Variants in SYNCRIP observed in about 807,000 individuals in gnomAD.
SYNCRIP encodes synaptotagmin binding cytoplasmic RNA interacting protein.
SYNCRIP carries 9 observed loss-of-function variants against 68.9 expected under a neutral mutation model. The ratio of observed to expected loss-of-function variants is 0.13; its 90% CI spans 0.08 to 0.23. The LOEUF is 0.23. SYNCRIP is among the 10% of genes least tolerant of loss of function. SYNCRIP has a pLI of 1.00. For synonymous variants in SYNCRIP, 258 were observed against 254.0 expected (o/e 1.02, Z -0.15); for missense variants, 414 against 770.6 (o/e 0.54, Z 5.48).
chr6:85,621,790 A>G (rs1806440687), intron 8 of SYNCRIP, among the ~76,000 whole-genome samples: 1 of 152,166 alleles, frequency 6.6e-6, no homozygotes, highest in South Asian at 2.1e-4. Flanking sequence ...TGCGGCCAGT[A>G]TAATTTACTG....
chr6:85,630,837 GAA>G (rs1042292061), intron 6 of SYNCRIP, among the ~76,000 whole-genome samples: 42 of 152,180 alleles, frequency 2.8e-4, no homozygotes, highest in African/African-American at 9.2e-4. Context: ...ATTCTAATGG[GAA>G]AAGACATGTA....
intron 8 of SYNCRIP, among the ~76,000 whole-genome samples, chr6:85,620,276 G>T (rs771723954): frequency 3.9e-5 from 6 of 152,150 alleles, no homozygotes; most frequent in Non-Finnish European, 8.8e-5. Context: ...TCCAAAAATT[G>T]GAAGAAACCA....
At position 85,628,679 on chromosome 6, in the gene SYNCRIP, G is replaced by C. The variant is rs552108118; in HGVS notation, c.667-4567C>G. Among the ~76,000 whole-genome samples, 628 of 152,312 alleles carry C rather than the reference G, an allele frequency of 4.1e-3. 3 individuals carry two copies. Among genetic ancestry groups the C allele is most frequent in the Middle Eastern group, 0.024 (7 of 294 alleles). On this transcript the variant is annotated intron_variant, in intron 6 of 10. Transcript: ENST00000369622. ...ACCATACCACTCTTACATATTGTCT[G>C]TGTTACCCTAGGTTATTTGGCAACC...
intron 6 of SYNCRIP, among the ~76,000 whole-genome samples, chr6:85,631,995 AT>A (rs1207369035): frequency 6.6e-6 from 1 of 152,214 alleles, no homozygotes; most frequent in African/African-American, 2.4e-5. Context: ...GATTATCATC[AT>A]TTACAAATGG....
chr6:85,621,641 G>T (rs1023209435), intron 8 of SYNCRIP, among the ~76,000 whole-genome samples: 3 of 149,290 alleles, frequency 2.0e-5, no homozygotes, highest in Non-Finnish European at 3.0e-5. Context: ...ACAAAGGATA[G>T]AACAAATAAC....
At chr6:85,610,653 T>C (rs1805167391), downstream of SYNCRIP, 1 of 152,028 alleles carries the variant, frequency 6.6e-6, no homozygotes. Context: ...ACAGTGTCCC[T>C]TAAAAATGCT....
intron 9 of SYNCRIP, 122 bp from the exon 10 acceptor site, chr6:85,619,061 CAAAT>C (rs1296894017): frequency 5.9e-6 from 7 of 1,193,220 alleles, no homozygotes; most frequent in Admixed American, 2.4e-5. Flanking sequence ...TGCAGGCAGT[CAAAT>C]AATTTTATTT....
upstream of SYNCRIP, among the ~76,000 whole-genome samples, chr6:85,643,456 A>T (rs1039952922): frequency 6.6e-6 from 1 of 150,916 alleles, no homozygotes; most frequent in African/African-American, 2.4e-5. Flanking sequence ...TTCCGCTCCG[A>T]CGGTGGCGGC....
chr6:85,618,736 G>A, intron 10 of SYNCRIP, 82 bp downstream of exon 10: 1 of 1,236,068 alleles, frequency 8.1e-7, no homozygotes, highest in South Asian at 1.5e-5. Context: ...CATTTAACAA[G>A]TCTGATCAAC....
chr6:85,634,152 C>G (rs1437118614), intron 6 of SYNCRIP, among the ~76,000 whole-genome samples: 1 of 152,086 alleles, frequency 6.6e-6, no homozygotes. Flanking sequence ...TCTAAGCAAC[C>G]TACAGCAATG....
intron 6 of SYNCRIP, among the ~76,000 whole-genome samples, chr6:85,633,397 C>A (rs1378058560): frequency 6.6e-6 from 1 of 152,134 alleles, no homozygotes; most frequent in African/African-American, 2.4e-5. Context: ...TTGAGACCAG[C>A]CTGGCCAACA....
intron 10 of SYNCRIP, among the ~76,000 whole-genome samples, chr6:85,618,157 C>A (rs1376727212): frequency 6.6e-6 from 1 of 152,132 alleles, no homozygotes; most frequent in African/African-American, 2.4e-5. Flanking sequence ...AGAGAAAAAA[C>A]TCTCCACCCT....
chr6:85,641,138 C>A (rs977779686), intron 2 of SYNCRIP, among the ~76,000 whole-genome samples, 154 bp downstream of exon 2: 2 of 152,120 alleles, frequency 1.3e-5, no homozygotes, highest in African/African-American at 4.8e-5. Flanking sequence ...TACATCTTAA[C>A]CTCTACTTCA....
chr6:85,623,796 T>G (rs1336896148), intron 7 of SYNCRIP, among the ~76,000 whole-genome samples, 181 bp downstream of exon 7: 1 of 152,172 alleles, frequency 6.6e-6, no homozygotes, highest in African/African-American at 2.4e-5. Flanking sequence ...GGCAAGTTAT[T>G]TCCCAAATCC....
chr6:85,617,004 T>C (rs150815681), intron 10 of SYNCRIP, among the ~76,000 whole-genome samples: 2 of 152,188 alleles, frequency 1.3e-5, no homozygotes, highest in Non-Finnish European at 2.9e-5. Context: ...AATCCTGGTA[T>C]AGTGGTTAAG....
chr6:85,623,562 CAAA>C (rs67258131), intron 7 of SYNCRIP, among the ~76,000 whole-genome samples: 1,331 of 63,282 alleles, frequency 0.021, 34 homozygotes, highest in African/African-American at 0.086. Flanking sequence ...AGACTGTCTC[CAAA>C]AAAAAAAAAA....
rs185007266 is a variant in SYNCRIP, at chr6:85,627,705, C to A, written c.667-3593G>T. On this transcript the variant is annotated intron_variant, in intron 6 of 10. Transcript: ENST00000369622. ...AAACGAGCACACACACACAAAAAGT[C>A]TTATCTTTCCTACTCTAGAAAGGTT... Among the ~76,000 whole-genome samples, 214 of 152,290 alleles carry A rather than the reference C, an allele frequency of 1.4e-3. 1 individual carries two copies. The highest frequency in any genetic ancestry group is 0.01 in the Middle Eastern group (3 of 294).
intron 8 of SYNCRIP, among the ~76,000 whole-genome samples, chr6:85,621,626 A>G (rs1175622908): frequency 1.4e-5 from 2 of 147,606 alleles, no homozygotes; most frequent in Admixed American, 1.3e-4. Flanking sequence ...AAAAAAAAAA[A>G]GAGAACAAAG....
intron 2 of SYNCRIP, 55 bp downstream of exon 2, chr6:85,641,237 C>G (rs906932193): frequency 4.0e-6 from 6 of 1,509,008 alleles, no homozygotes; most frequent in South Asian, 2.3e-5. Context: ...TAGCTCAAAG[C>G]CAGAAATCCA....
Sources: gnomAD v4.1 joint callset for allele counts (sites outside exome capture counted in the v4.1 genomes callset) on GRCh38, gnomAD v4.1.1 for gene constraint, MANE v1.5 for transcripts, NCBI Gene and HGNC (gene_info 2026-07-23, HGNC 2026-07-21) for gene names.